Variants in MUC6 observed in about 807,000 individuals in gnomAD.
MUC6 encodes mucin-6.
In MUC6, 188 loss-of-function variants were observed where a neutral mutation model predicts 201.5. The ratio of observed to expected loss-of-function variants is 0.93; its 90% CI spans 0.83 to 1.05. The LOEUF (loss-of-function observed/expected upper bound fraction) is 1.05. Ranked by LOEUF, MUC6 falls within the 50% of genes least tolerant of loss-of-function variation. MUC6 has a pLI of 0.00. For synonymous variants in MUC6, 1,228 were observed against 1,389.4 expected, an observed-to-expected ratio of 0.88 and a Z score of 2.58; for missense variants, 2,706 against 3,256.9, an observed-to-expected ratio of 0.83 and a Z score of 4.12.
In MUC6 at chr11:1,022,832, CAT is replaced by C. The variant is rs1353762828; in HGVS notation, c.3526+675_3526+676del. 5.3e-5 allele frequency among the ~76,000 whole-genome samples: 8 copies of C among 152,108 alleles called. No homozygotes were observed. In the East Asian group the frequency reaches 5.8e-4, roughly 11 times the overall value. ...GAATGTGCATGAATGAATAAGCAAA[CAT>C]GAATGAATGAATGAATATGTGTGAA... On this transcript the variant is annotated intron_variant, in intron 26 of 32. Transcript: ENST00000421673.
In MUC6 at chr11:1,025,050, C is replaced by T. The variant is rs371670119; in HGVS notation, c.3019G>A (p.Gly1007Arg). The change falls in exon 24 of 33, where the codon GGG becomes AGG. Residue 1007 changes from glycine to arginine, a missense_variant. Around this residue, in one of 10 missense-constraint regions of MUC6, gnomAD observed 1,850 missense variants for 1,958.3 expected, o/e 0.94. Coordinates refer to ENST00000421673, the MANE Select transcript of MUC6 (RefSeq NM_005961.3). ...GTCTCGAAGTCGTCCTTCATGTTCC[C>T]GTTGAAGTTGCCACACAAGCCGCAG... ...PLCGLCGNFNGNMKDDFETRS... is the reference protein window; with the variant it reads ...PLCGLCGNFNRNMKDDFETRS... 118 of 1,612,796 alleles carry T rather than the reference C, an allele frequency of 7.3e-5. No individual in the cohort carries two copies. In the African/African-American group the frequency reaches 1.0e-3, roughly 14 times the overall value.
chr11:1,024,985 C>G lies in MUC6; in HGVS notation c.3084G>C (p.Val1028=). The change falls in exon 24 of 33, where the codon GTG becomes GTC. Residue 1028 remains valine, a synonymous_variant. Coordinates refer to ENST00000421673, the MANE Select transcript of MUC6 (RefSeq NM_005961.3). ...RYVASSELEL[V]NSWKESPLCG... ...ACAGCGGGCTCTCCTTCCACGAGTT[C>G]ACCAACTCCAGCTCGCTGGATGCCA... 6.2e-7 allele frequency: 1 copy of G among 1,613,178 alleles called. No individual in the cohort carries two copies. The highest frequency in any genetic ancestry group is 8.5e-7 in the Non-Finnish European group (1 of 1,179,870).
At position 1,019,367 on chromosome 11, in the gene MUC6, G is replaced by A; in HGVS notation, c.3938C>T (p.Ala1313Val). 2.5e-6 allele frequency: 4 copies of A among 1,613,838 alleles called. No homozygotes were observed. The highest frequency in any genetic ancestry group is 3.4e-6 in the Non-Finnish European group (4 of 1,179,762). The change falls in exon 30 of 33, where the codon GCC (alanine) becomes GTC (valine). Residue 1313 changes from alanine (A) to valine (V), a missense_variant. Physicochemically the swap from Ala to Val is moderately conservative, Grantham distance 64 (BLOSUM62 0). Coordinates refer to ENST00000421673, the MANE Select transcript of MUC6 (RefSeq NM_005961.3). Reference sequence around the variant, plus strand: ...AGCTGTGGACGTCGTGGCTGGGCTGGCGGTCGACGCCGTGGCCCTGGTTGT... The same window carrying A: ...AGCTGTGGACGTCGTGGCTGGGCTGACGGTCGACGCCGTGGCCCTGGTTGT... ...QATTRATAST[A>V]SPATTSTAQS...
intron 1 of MUC6, among the ~76,000 whole-genome samples, chr11:1,035,452 C>T (rs1857195355): frequency 6.6e-6 from 1 of 152,168 alleles, no homozygotes; most frequent in Non-Finnish European, 1.5e-5. Context: ...TGGGAGGGCT[C>T]AGAGACCCCC....
In MUC6 at chr11:1,027,379, G is replaced by A. The variant is rs1374647344; in HGVS notation, c.2120C>T (p.Thr707Ile). ...ACACTCGCCCTTTTGGTTCAGGTAG[G>A]TGCCATCGGGGCAGTTGCAACCGTC... ...PVDGCNCPDG[T>I]YLNQKGECVR... The change falls in exon 17 of 33, where the codon ACC becomes ATC. Residue 707 changes from threonine (T) to isoleucine (I), a missense_variant. Thr to Ile is a moderately conservative substitution (Grantham distance 89). Coordinates refer to ENST00000421673, the MANE Select transcript of MUC6 (RefSeq NM_005961.3). 1.2e-6 allele frequency: 2 copies of A among 1,612,806 alleles called. No homozygotes were observed. The highest frequency in any genetic ancestry group is 1.3e-5 in the African/African-American group (1 of 74,930).
chr11:1,014,524 G>T lies in MUC6; in HGVS notation c.7040-523C>A, dbSNP rs115946204. On this transcript the variant is annotated intron_variant, in intron 31 of 32. Coordinates refer to ENST00000421673, the MANE Select transcript of MUC6 (RefSeq NM_005961.3). Reference sequence around the variant, plus strand: ...CCTGGAAGGGGCGGGGTGGGGGCCCGCGGGGAAGGCCCAGAGACAGCCAGC... The same window carrying T: ...CCTGGAAGGGGCGGGGTGGGGGCCCTCGGGGAAGGCCCAGAGACAGCCAGC... 5.9e-5 allele frequency among the ~76,000 whole-genome samples: 9 copies of T among 152,312 alleles called. No homozygotes were observed. The South Asian group carries it at 1.5e-3, about 25-fold the overall frequency.
Position 1,028,788 on chromosome 11 carries a change from A to G in MUC6, c.1454-5T>C. ...GCCTGAAGACCGTGATGTTGCCTGC[A>G]GGACGCAGTGCTCAGTGGGCCGTCT... is the stretch of plus-strand genomic sequence containing the variant. On this transcript the variant is annotated splice_region_variant and splice_polypyrimidine_tract_variant and intron_variant, in intron 12 of 32. Coordinates refer to ENST00000421673, the MANE Select transcript of MUC6 (RefSeq NM_005961.3). The G allele has an allele frequency of 1.2e-6, 2 of 1,610,232 alleles. No individual in the cohort carries two copies. The highest frequency in any genetic ancestry group is 1.7e-6 in the Non-Finnish European group (2 of 1,179,684).
At position 1,019,289 on chromosome 11, in the gene MUC6, G is replaced by A; in HGVS notation, c.4016C>T (p.Thr1339Ile). Residue 1339 changes from threonine to isoleucine, a missense_variant, in exon 30 of 33, where the codon ACA (threonine) becomes ATA (isoleucine). Thr to Ile is a moderately conservative substitution (Grantham distance 89). This residue lies in a region of MUC6 where 1,850 missense variants were observed against 1,958.3 expected (regional missense o/e 0.94). Transcript: ENST00000421673. ...MTLPTPATSG[T>I]SPTLPKSTNQ... is the part of the protein sequence containing the mutation. The stretch of plus-strand genomic sequence containing the variant: ...CCATGACTTACGCAGCGTGGGGCTT[G>A]TCCCTGATGTGGCTGGGGTTGGTAG... The A allele has an allele frequency of 6.2e-7, 1 of 1,614,048 alleles. No homozygotes were observed.
In MUC6 at chr11:1,033,029, C is replaced by G. The variant is rs1857145703; in HGVS notation, c.99G>C (p.Lys33Asn). 5 of 1,605,672 alleles carry G rather than the reference C, an allele frequency of 3.1e-6. No homozygotes were observed. The highest frequency in any genetic ancestry group is 1.1e-5 in the South Asian group (1 of 90,692). The change falls in exon 2 of 33, where the codon AAG (lysine) becomes AAC (asparagine). Residue 33 changes from lysine (K) to asparagine (N), a missense_variant. By Grantham distance (94) the Lys-to-Asn change is moderately conservative. This residue lies in a region of MUC6 where 1,850 missense variants were observed against 1,958.3 expected (regional missense o/e 0.94). Transcript: ENST00000421673. The surrounding 1 kb of genome is among the most constrained non-coding windows in gnomAD (Gnocchi z 5.6). Reference protein sequence around the residue: ...SYTSPGLQRLKDSPQTAPDKG... With the variant: ...SYTSPGLQRLNDSPQTAPDKG... ...TGTTCTTACCTGTCTGTGGAGAGTC[C>G]TTCAGCCTCTGGAGGCCTGGGCTGG...
At position 1,020,690 on chromosome 11, in the gene MUC6, T is replaced by C; in HGVS notation, c.3634A>G (p.Thr1212Ala). The change falls in exon 28 of 33, where the codon ACC becomes GCC. Residue 1212 changes from threonine (T) to alanine (A), a missense_variant. Thr to Ala is a moderately conservative substitution (Grantham distance 58). Coordinates refer to ENST00000421673, the MANE Select transcript of MUC6 (RefSeq NM_005961.3). The part of the protein sequence containing the change: ...PQPPTTPQLP[T>A]TGSRPTQVWP... ...CTAGTGTGCGTGCAATTACCTGTGG[T>C]GGGCAGCTGCGGCGTGGTGGGTGGC... The C allele has an allele frequency of 6.2e-7, 1 of 1,613,614 alleles. No homozygotes were observed. The highest frequency in any genetic ancestry group is 8.5e-7 in the Non-Finnish European group (1 of 1,179,848).
At position 1,021,227 on chromosome 11, in the gene MUC6, A is replaced by G. The variant is rs1856798478; in HGVS notation, c.3577T>C (p.Cys1193Arg). The G allele has an allele frequency of 8.8e-6, 14 of 1,590,054 alleles. No homozygotes were observed. The highest frequency in any genetic ancestry group is 1.4e-5 in the African/African-American group (1 of 73,310). ...DEYFDHEEGV[C>R]VPCMPPTTPQ... ...CGACTGGACTTACTGCAGGGCACGC[A>G]CACCCCCTCCTCGTGGTCGAAGTAC... The change falls in exon 27 of 33, where the codon TGC (cysteine) becomes CGC (arginine). Residue 1193 changes from cysteine to arginine, a missense_variant. Cys to Arg is a radical substitution (Grantham distance 180, BLOSUM62 -3). This residue lies in a region of MUC6 where 1,850 missense variants were observed against 1,958.3 expected (regional missense o/e 0.94). Coordinates refer to ENST00000421673, the MANE Select transcript of MUC6 (RefSeq NM_005961.3).
At chr11:1,035,118 G>A (rs1432840131) in intron 1 of MUC6, among the ~76,000 whole-genome samples, 1 of 151,930 alleles carries the variant, frequency 6.6e-6, no homozygotes, top group Admixed American at 6.6e-5. Flanking sequence ...CCGGCCCACC[G>A]CGGCCCAGGC....
chr11:1,017,235 T>A lies in MUC6; in HGVS notation c.5566A>T (p.Ile1856Phe). 6.2e-7 allele frequency: 1 copy of A among 1,614,042 alleles called. No homozygotes were observed. The highest frequency in any genetic ancestry group is 8.5e-7 in the Non-Finnish European group (1 of 1,179,842). ...SLVTPSTHTV[I>F]IPTHTQMATS... ...GCCATCTGTGTGTGGGTAGGGATGA[T>A]GACCGTGTGAGTACTTGGAGTCACC... Residue 1856 changes from isoleucine (I) to phenylalanine (F), a missense_variant, in exon 31 of 33, where the codon ATC becomes TTC. By Grantham distance (21) the Ile-to-Phe change is conservative. This residue lies in a region of MUC6 where 20 missense variants were observed against 35.8 expected (regional missense o/e 0.56). Transcript: ENST00000421673.
At position 1,020,699 on chromosome 11, in the gene MUC6, G is replaced by A. The variant is rs749634043; in HGVS notation, c.3625C>T (p.Gln1209Ter). Residue 1209 changes from glutamine (Q) to a stop codon, truncating the protein, a stop_gained, in exon 28 of 33, where the codon CAG (glutamine) becomes TAG (stop). Coordinates refer to ENST00000421673, the MANE Select transcript of MUC6 (RefSeq NM_005961.3). LOFTEE classifies it high-confidence loss of function. Reference protein sequence around the residue: ...PTTPQPPTTPQLPTTGSRPTQ... With the variant: ...PTTPQPPTTP ...GTGCAATTACCTGTGGTGGGCAGCTGCGGCGTGGTGGGTGGCTGCGGCGTG... is the reference window on the plus strand; with the variant it reads ...GTGCAATTACCTGTGGTGGGCAGCTACGGCGTGGTGGGTGGCTGCGGCGTG... 3 of 1,613,408 alleles carry A rather than the reference G, an allele frequency of 1.9e-6. 1 individual carries two copies. In the South Asian group the frequency reaches 3.3e-5, roughly 18 times the overall value.
At position 1,020,267 on chromosome 11, in the gene MUC6, C is replaced by A; in HGVS notation, c.3641-10G>T. 1.3e-6 allele frequency: 2 copies of A among 1,596,416 alleles called. No individual in the cohort carries two copies. The highest frequency in any genetic ancestry group is 1.8e-5 in the Admixed American group (1 of 56,594). On this transcript the variant is annotated splice_polypyrimidine_tract_variant and intron_variant, in intron 28 of 32. Coordinates refer to ENST00000421673, the MANE Select transcript of MUC6 (RefSeq NM_005961.3). ...TGCGTGGGCCGTGAGCCTGGGTGGG[C>A]GGACATGCCATCAGGGCTGCAGGGT...
Position 1,028,071 on chromosome 11 carries a change from A to G in MUC6, c.1754-12T>C. The G allele has an allele frequency of 2.6e-6, 4 of 1,561,108 alleles. No homozygotes were observed. The highest frequency in any genetic ancestry group is 3.5e-6 in the Non-Finnish European group (4 of 1,153,044). On this transcript the variant is annotated splice_polypyrimidine_tract_variant and intron_variant, in intron 14 of 32. Coordinates refer to ENST00000421673, the MANE Select transcript of MUC6 (RefSeq NM_005961.3). Reference sequence around the variant, plus strand: ...CTCTGCACACACCTCTGGGGATGACAGGCCCGGGCGTGAGTCCCGGCCCCT... The same window carrying G: ...CTCTGCACACACCTCTGGGGATGACGGGCCCGGGCGTGAGTCCCGGCCCCT...
chr11:1,026,945 G>T lies in MUC6; in HGVS notation c.2390C>A (p.Ala797Asp), dbSNP rs1564841610. The stretch of plus-strand genomic sequence containing the variant: ...GCTCCTCGCGCGCCCCCTTACGCAG[G>T]CAACACCGGTGGCCAGCATCTGGCA... ...PTCQMLATGV[A>D]CVPTKCEPGC... Residue 797 changes from alanine to aspartate, a missense_variant, in exon 19 of 33, where the codon GCC becomes GAC. Physicochemically the swap from Ala to Asp is moderately radical, Grantham distance 126. Transcript: ENST00000421673. 2 of 1,584,904 alleles carry T rather than the reference G, an allele frequency of 1.3e-6. No individual in the cohort carries two copies. The highest frequency in any genetic ancestry group is 3.6e-5 in the Admixed American group (2 of 55,586).
In MUC6 at chr11:1,030,742, A is replaced by C. The variant is rs761474022; in HGVS notation, c.723T>G (p.Pro241=). The change falls in exon 7 of 33, where the codon CCT becomes CCG. Residue 241 remains proline (P), a synonymous_variant. Coordinates refer to ENST00000421673, the MANE Select transcript of MUC6 (RefSeq NM_005961.3). ...AGGGCTCCTTGGACACGCTGCACTC[A>C]GGGGCCACCAGGGTCAGCAGCTGGG... ...ICTQLLTLVA[P]ECSVSKEPFV... is the part of the protein sequence containing the mutation. The C allele has an allele frequency of 5.2e-6, 8 of 1,540,634 alleles. No individual in the cohort carries two copies. In the East Asian group the frequency reaches 1.9e-4, roughly 38 times the overall value.
In MUC6 at chr11:1,024,222, C is replaced by A; in HGVS notation, c.3226-119G>T. The A allele has an allele frequency of 8.1e-6, 10 of 1,231,578 alleles. No individual in the cohort carries two copies. The South Asian group carries it at 1.4e-4, about 18-fold the overall frequency. The allele number at this position is 1,231,578 out of a possible 1,614,324, so 76.3% of individuals were successfully genotyped here. Reference sequence around the variant, plus strand: ...GAGTGTGGCGGTAAGGGCGCTGGGACTGGGTGAGCGGCACCACGTGGACCT... The same window carrying A: ...GAGTGTGGCGGTAAGGGCGCTGGGAATGGGTGAGCGGCACCACGTGGACCT... On this transcript the variant is annotated intron_variant, in intron 24 of 32. Transcript: ENST00000421673.
Sources: gnomAD v4.1 joint callset for allele counts (sites outside exome capture counted in the v4.1 genomes callset) on GRCh38, gnomAD v4.1.1 for gene constraint, gnomAD v4.1.1 regional missense constraint, Gnocchi (gnomAD v3.1) non-coding constraint, MANE v1.5 for transcripts, NCBI Gene and HGNC (gene_info 2026-07-23, HGNC 2026-07-21) for gene names.